The following PDE4D variants were observed in gnomAD, a reference collection of about 807,000 sequenced individuals.
PDE4D encodes the protein 3',5'-cyclic-AMP phosphodiesterase 4D.
In PDE4D, 24 loss-of-function variants were observed where a neutral mutation model predicts 87.4. The observed-to-expected ratio is 0.27, with a 90% CI of 0.20 to 0.39. The LOEUF (loss-of-function observed/expected upper bound fraction) is 0.39, where lower values mean the gene tolerates loss of function less well. PDE4D is among the 10% of genes least tolerant of loss of function. The probability of loss-of-function intolerance (pLI) is 1.00; values close to 1 mark genes in which losing one functional copy is unlikely to be tolerated. For missense variants in PDE4D, 714 were observed against 1,041.0 expected (o/e 0.69, Z 4.32); for synonymous variants, 384 against 383.2 (o/e 1.00, Z -0.02).
intron 2 of PDE4D, among the ~76,000 whole-genome samples, chr5:60,080,806 T>A (rs777490205): frequency 2.0e-5 from 3 of 152,230 alleles, no homozygotes; most frequent in Non-Finnish European, 4.4e-5. Context: ...GATTTTCGCA[T>A]GGATGTTCAT....
At chr5:60,162,761 GA>G (rs933178882) in intron 2 of PDE4D, among the ~76,000 whole-genome samples, 47 of 146,854 alleles carry the variant, frequency 3.2e-4, no homozygotes, top group African/African-American at 9.7e-4. Flanking sequence ...CTGCCAGGAA[GA>G]AAAAAAAAAG....
intron 1 of PDE4D, among the ~76,000 whole-genome samples, chr5:59,601,076 A>T (rs1449554968): frequency 6.6e-6 from 1 of 152,162 alleles, no homozygotes; most frequent in Non-Finnish European, 1.5e-5. Context: ...TTACTGTTCC[A>T]TCCTATGATG....
intron 1 of PDE4D, among the ~76,000 whole-genome samples, chr5:60,404,629 C>T (rs1002787750): frequency 4.6e-5 from 7 of 152,108 alleles, no homozygotes; most frequent in African/African-American, 7.2e-5. Flanking sequence ...CTTTTATTTT[C>T]ATTAATGTGG....
At chr5:59,795,198 T>C (rs770006246) in intron 1 of PDE4D, among the ~76,000 whole-genome samples, 5 of 152,240 alleles carry the variant, frequency 3.3e-5, no homozygotes, top group Non-Finnish European at 5.9e-5. Context: ...TGATTGAGCA[T>C]TCACCATTTA....
intron 3 of PDE4D, among the ~76,000 whole-genome samples, chr5:59,985,124 G>GGTTTTT (rs1762288988): frequency 9.0e-6 from 1 of 111,266 alleles, no homozygotes. Context: ...TTCACCTTTC[G>GGTTTTT]TTTTTTGTTT....
At chr5:60,228,388 T>G (rs952565087) in intron 1 of PDE4D, among the ~76,000 whole-genome samples, 1 of 152,084 alleles carries the variant, frequency 6.6e-6, no homozygotes, top group Non-Finnish European at 1.5e-5. Context: ...AATCCATCTA[T>G]CCACGACACA....
At chr5:59,479,587 T>C (rs1432915103) in intron 1 of PDE4D, among the ~76,000 whole-genome samples, 1 of 145,172 alleles carries the variant, frequency 6.9e-6, no homozygotes, top group African/African-American at 2.7e-5. Flanking sequence ...TTTCATGTGT[T>C]GTGACAAACT....
chr5:59,655,069 T>A (rs1463319470), intron 1 of PDE4D, among the ~76,000 whole-genome samples: 5 of 152,142 alleles, frequency 3.3e-5, no homozygotes, highest in African/African-American at 1.2e-4. Context: ...GTAGAATTGC[T>A]GGATCATATA....
chr5:60,075,534 T>G (rs1773193066), intron 2 of PDE4D, among the ~76,000 whole-genome samples: 1 of 152,168 alleles, frequency 6.6e-6, no homozygotes, highest in East Asian at 1.9e-4. Flanking sequence ...TCTGCATTTC[T>G]GAATTTAAAT....
chr5:59,974,691 T>C (rs1303611219), intron 3 of PDE4D, among the ~76,000 whole-genome samples: 1 of 152,198 alleles, frequency 6.6e-6, no homozygotes, highest in African/African-American at 2.4e-5. Context: ...ATTGAAAATA[T>C]TTTGGAATGC....
At chr5:60,431,312 C>T (rs962015888) in intron 1 of PDE4D, among the ~76,000 whole-genome samples, 2 of 151,756 alleles carry the variant, frequency 1.3e-5, no homozygotes, top group Admixed American at 6.6e-5. Context: ...CCTCACTTCT[C>T]AGACGGGGCG....
chr5:59,652,892 A>G (rs1485680936), intron 1 of PDE4D, among the ~76,000 whole-genome samples: 5 of 152,072 alleles, frequency 3.3e-5, no homozygotes, highest in African/African-American at 1.2e-4. Context: ...GAATTCTTTT[A>G]TTTAGTAAGC....
At chr5:59,869,718 A>G (rs1216351698) in intron 1 of PDE4D, among the ~76,000 whole-genome samples, 3 of 152,202 alleles carry the variant, frequency 2.0e-5, no homozygotes, top group African/African-American at 7.2e-5. Context: ...GACCTCAATC[A>G]GCAAAGTGGA....
intron 1 of PDE4D, among the ~76,000 whole-genome samples, chr5:59,879,127 C>T (rs539579283): frequency 5.9e-5 from 9 of 151,272 alleles, no homozygotes; most frequent in Non-Finnish European, 1.0e-4. Context: ...GTCTCGATCT[C>T]CTGACCTCGT....
At chr5:60,433,986 G>A (rs1169672569) in intron 1 of PDE4D, among the ~76,000 whole-genome samples, 1 of 152,038 alleles carries the variant, frequency 6.6e-6, no homozygotes, top group Non-Finnish European at 1.5e-5. Context: ...CTCATTACCT[G>A]GGTGACGAAA....
intron 1 of PDE4D, among the ~76,000 whole-genome samples, chr5:59,755,857 A>C (rs1295042895): frequency 6.8e-6 from 1 of 147,796 alleles, no homozygotes; most frequent in African/African-American, 2.5e-5. Flanking sequence ...CCATGTATGA[A>C]AAAAAAAAAC....
intron 1 of PDE4D, among the ~76,000 whole-genome samples, chr5:60,485,395 C>CA (rs3834830): frequency 0.012 from 1,607 of 130,834 alleles, 14 homozygotes; most frequent in African/African-American, 0.02. Context: ...CAAAATTCAC[C>CA]AAAAAAAAAA....
chr5:59,387,738 G>C (rs138659820), intron 1 of PDE4D, among the ~76,000 whole-genome samples: 59 of 152,138 alleles, frequency 3.9e-4, no homozygotes, highest in African/African-American at 1.4e-3. Context: ...ATTGTGAAGT[G>C]GCTAAATCAA....
chr5:58,977,101 C>A, intron 12 of PDE4D, 90 bp downstream of exon 12: 1 of 1,184,842 alleles, frequency 8.4e-7, no homozygotes, highest in Non-Finnish European at 1.2e-6. Context: ...AAATGCAGTT[C>A]CTTTTACCTA....
Sources: gnomAD v4.1 joint callset for allele counts (sites outside exome capture counted in the v4.1 genomes callset) on GRCh38, gnomAD v4.1.1 for gene constraint, MANE v1.5 for transcripts, NCBI Gene and HGNC (gene_info 2026-07-23, HGNC 2026-07-21) for gene names.